PRH1: variants seen among roughly 807,000 people sequenced by gnomAD.
PRH1 encodes salivary acidic proline-rich phosphoprotein 1/2.
PRH1 carries 7 observed loss-of-function variants against 7.9 expected under a neutral mutation model. The observed-to-expected ratio is 0.89, with a 90% confidence interval of 0.50 to 1.67. The LOEUF (loss-of-function observed/expected upper bound fraction) is 1.67, where lower values mean the gene tolerates loss of function less well. Ranked by LOEUF, PRH1 falls within the 40% of genes most tolerant of loss-of-function variation. The probability of loss-of-function intolerance (pLI) is 0.00; values close to 1 mark genes in which losing one functional copy is unlikely to be tolerated. For missense variants in PRH1, 109 were observed against 223.6 expected (o/e 0.49, Z 3.27); for synonymous variants, 45 against 80.8 (o/e 0.56, Z 2.38).
Position 11,061,820 on chromosome 12 carries a change from C to A in PRH1, n.124-14632G>T, listed in dbSNP as rs548476160. On this transcript the variant is annotated intron_variant and non_coding_transcript_variant, in intron 1 of 4. Transcript: ENST00000541977. Reference sequence around the variant, plus strand: ...TTGATCTTCCAAGTCATGTTTCCTTCATATTCTTTTGTCCATATAATCTGA... The same window carrying A: ...TTGATCTTCCAAGTCATGTTTCCTTAATATTCTTTTGTCCATATAATCTGA... The A allele has an allele frequency of 2.4e-5, 38 of 1,614,166 alleles. No individual in the cohort carries two copies. The East Asian group carries it at 8.2e-4, about 35-fold the overall frequency.
In PRH1 at chr12:11,081,810, A is replaced by G. The variant is rs146106963; in HGVS notation, n.124-34622T>C. 8.3e-3 allele frequency among the ~76,000 whole-genome samples: 700 copies of G among 83,938 alleles called. 9 individuals carry two copies. The highest frequency in any genetic ancestry group is 0.011 in the Non-Finnish European group (367 of 33,368). The allele number at this position is 83,938 out of a possible 152,430, so 55.1% of individuals were successfully genotyped here. ...ATTACCTAAGTGAAATAGAGAAGATATGGGGGAGGGGTTACTTCTCTTTGA... is the reference window on the plus strand; with the variant it reads ...ATTACCTAAGTGAAATAGAGAAGATGTGGGGGAGGGGTTACTTCTCTTTGA... On this transcript the variant is annotated intron_variant and non_coding_transcript_variant, in intron 1 of 4. Transcript: ENST00000541977.
intron 1 of PRH1, chr12:11,061,546 CA>C: frequency 6.2e-7 from 1 of 1,606,454 alleles, no homozygotes; most frequent in Non-Finnish European, 8.5e-7. Context: ...CTCAAAACTC[CA>C]AACTGACATG....
intron 1 of PRH1, among the ~76,000 whole-genome samples, chr12:10,985,710 A>C (rs1939581115): frequency 6.6e-6 from 1 of 152,162 alleles, no homozygotes; most frequent in African/African-American, 2.4e-5. Flanking sequence ...AAATATGATT[A>C]ACATTATGTT....
chr12:11,133,460 A>G, intron 1 of PRH1: 1 of 1,614,130 alleles, frequency 6.2e-7, no homozygotes, highest in African/African-American at 1.3e-5. Context: ...TTGGCAGAAC[A>G]TGAAGACAGG....
At chr12:10,945,420 C>T (rs890419529) in intron 2 of PRH1, among the ~76,000 whole-genome samples, 1 of 152,084 alleles carries the variant, frequency 6.6e-6, no homozygotes, top group South Asian at 2.1e-4. Context: ...GGAGACATCA[C>T]ATGTTGGCAG....
intron 1 of PRH1, among the ~76,000 whole-genome samples, chr12:11,075,286 C>T (rs142275791): frequency 0.016 from 2,230 of 137,536 alleles, 65 homozygotes; most frequent in South Asian, 0.03. Flanking sequence ...TATATAGTAA[C>T]CAGCTAGAAA....
chr12:10,972,426 C>T (rs1490388358), intron 2 of PRH1, among the ~76,000 whole-genome samples: 1 of 152,150 alleles, frequency 6.6e-6, no homozygotes, highest in African/African-American at 2.4e-5. Flanking sequence ...TCAATGCTGT[C>T]TTTATGGAAA....
upstream of PRH1, among the ~76,000 whole-genome samples, chr12:10,886,202 A>G (rs1433751716): frequency 6.6e-6 from 1 of 152,174 alleles, no homozygotes; most frequent in Non-Finnish European, 1.5e-5. Context: ...ACTGTTTCCC[A>G]TAGGACCTGG....
At chr12:11,045,809 A>C (rs1484223800) in intron 1 of PRH1, among the ~76,000 whole-genome samples, 1 of 152,166 alleles carries the variant, frequency 6.6e-6, no homozygotes, top group Non-Finnish European at 1.5e-5. Flanking sequence ...CTAATATTAA[A>C]TTCAGTGAGT....
At chr12:11,088,596 C>T (rs1231665108) in intron 1 of PRH1, among the ~76,000 whole-genome samples, 1 of 112,462 alleles carries the variant, frequency 8.9e-6, no homozygotes, top group African/African-American at 3.0e-5. Flanking sequence ...CCTATCACTA[C>T]AAAAGAGACC....
In PRH1 at chr12:11,086,715, A is replaced by G. The variant is rs145011513; in HGVS notation, n.124-39527T>C. 6.2e-3 allele frequency among the ~76,000 whole-genome samples: 738 copies of G among 118,154 alleles called. 97 individuals are homozygous for G. The highest frequency in any genetic ancestry group is 0.019 in the African/African-American group (676 of 35,180). The allele number at this position is 118,154 out of a possible 152,430, so 77.5% of individuals were successfully genotyped here. Reference sequence around the variant, plus strand: ...CATCACCTGAGGTCAGGAGTTTGAAACCAGCATGGCCAACACGGTGAAACC... The same window carrying G: ...CATCACCTGAGGTCAGGAGTTTGAAGCCAGCATGGCCAACACGGTGAAACC... On this transcript the variant is annotated intron_variant and non_coding_transcript_variant, in intron 1 of 4. Coordinates refer to the PRH1 transcript ENST00000541977.
intron 1 of PRH1, among the ~76,000 whole-genome samples, chr12:10,975,454 T>C (rs1188571631): frequency 6.6e-6 from 1 of 152,118 alleles, no homozygotes; most frequent in Non-Finnish European, 1.5e-5. Flanking sequence ...AGATCTTCAC[T>C]GACAACACAA....
At chr12:10,886,435 C>G (rs1244385429), upstream of PRH1, among the ~76,000 whole-genome samples, 1 of 152,192 alleles carries the variant, frequency 6.6e-6, no homozygotes, top group Non-Finnish European at 1.5e-5. Context: ...TGCTCCCTAA[C>G]CTGCTCCAAT....
intron 1 of PRH1, among the ~76,000 whole-genome samples, chr12:11,143,773 G>C (rs1010899164): frequency 6.6e-6 from 1 of 151,386 alleles, no homozygotes; most frequent in Non-Finnish European, 1.5e-5. Context: ...TCATCGAAAG[G>C]ATATAACAAT....
chr12:10,980,573 A>C (rs555688124), intron 1 of PRH1, among the ~76,000 whole-genome samples: 1 of 152,148 alleles, frequency 6.6e-6, no homozygotes, highest in South Asian at 2.1e-4. Context: ...TAAATAAATA[A>C]TATATATAAA....
chr12:11,110,159 T>C (rs1945544793), intron 1 of PRH1, among the ~76,000 whole-genome samples: 1 of 152,154 alleles, frequency 6.6e-6, no homozygotes, highest in African/African-American at 2.4e-5. Context: ...TCAAGAAATA[T>C]TGGACTATGT....
At chr12:11,064,611 C>T (rs1943736815) in intron 1 of PRH1, among the ~76,000 whole-genome samples, 1 of 151,998 alleles carries the variant, frequency 6.6e-6, no homozygotes, top group Non-Finnish European at 1.5e-5. Context: ...TCAGCTTTAC[C>T]TCCATTCTAT....
chr12:11,099,406 G>C (rs1448134945), intron 1 of PRH1, among the ~76,000 whole-genome samples: 1 of 152,088 alleles, frequency 6.6e-6, no homozygotes, highest in Non-Finnish European at 1.5e-5. Flanking sequence ...CAAATCACCA[G>C]AGCCATCCAT....
intron 1 of PRH1, among the ~76,000 whole-genome samples, chr12:11,108,817 G>A (rs1945505176): frequency 6.6e-6 from 1 of 152,168 alleles, no homozygotes; most frequent in Admixed American, 6.5e-5. Context: ...CAGCAAGACA[G>A]AACCATTCAG....
Sources: allele counts gnomAD v4.1 joint callset (sites outside exome capture counted in the v4.1 genomes callset), GRCh38; gene constraint gnomAD v4.1.1; transcripts MANE v1.5; gene names NCBI Gene and HGNC (gene_info 2026-07-23, HGNC 2026-07-21).